The following MTMR10 variants were observed in gnomAD, a reference collection of about 807,000 sequenced individuals.
MTMR10 encodes the protein myotubularin related protein 10.
A neutral mutation model predicts 88.1 loss-of-function variants in MTMR10; 56 were observed. That is an observed-to-expected ratio of 0.64 (90% CI 0.51 to 0.79). MTMR10 has a LOEUF of 0.79. Among genes scored for constraint, MTMR10 ranks in the 30% least tolerant of loss-of-function variants. The pLI is 0.00. For synonymous variants in MTMR10, 380 were observed against 340.9 expected (o/e 1.11, Z -1.26); for missense variants, 883 against 924.7 (o/e 0.95, Z 0.58).
chr15:30,943,589 A>G, intron 14 of MTMR10: 1 of 985,456 alleles, frequency 1.0e-6, no homozygotes, highest in South Asian at 4.7e-5. Flanking sequence ...GACTCAGGGT[A>G]GGAAGGAAGG....
chr15:30,991,588 C>T lies in MTMR10; in HGVS notation c.-82G>A. 4.1e-6 allele frequency: 6 copies of T among 1,454,456 alleles called. No homozygotes were observed. The highest frequency in any genetic ancestry group is 5.5e-6 in the Non-Finnish European group (6 of 1,100,750). 90.1% of individuals were successfully genotyped at this position (1,454,456 alleles called of 1,614,324 possible). On this transcript the variant is annotated 5_prime_UTR_variant, in exon 1 of 16. Coordinates refer to ENST00000435680, the MANE Select transcript of MTMR10 (RefSeq NM_017762.3). ...TCCGGGCGTAAAGCTCTCAGTGCGG[C>T]CGCCCAGGCCCTTTCTGCGGCCAGC...
chr15:30,927,201 C>T, the MTMR10 span: 1 of 966,216 alleles, frequency 1.0e-6, no homozygotes, highest in Non-Finnish European at 1.2e-6. Context: ...AGAGTGAGAC[C>T]CTGTCTCAAA....
At chr15:30,928,203 C>A in the MTMR10 span, 6 of 1,031,862 alleles carry the variant, frequency 5.8e-6, no homozygotes, top group African/African-American at 1.7e-5. Context: ...CCTGCTAAGT[C>A]CCAGCCTTGG....
chr15:30,960,372 G>A (rs1033198875), intron 7 of MTMR10, among the ~76,000 whole-genome samples: 1 of 152,228 alleles, frequency 6.6e-6, no homozygotes, highest in Admixed American at 6.5e-5. Context: ...ACCTGAATCC[G>A]ATTAAGCCTC....
At chr15:30,944,847 C>CA (rs1252010722) in intron 14 of MTMR10, among the ~76,000 whole-genome samples, 1 of 150,492 alleles carries the variant, frequency 6.6e-6, no homozygotes, top group African/African-American at 2.4e-5. Flanking sequence ...CCTGACTCTA[C>CA]AAAAAAATAC....
chr15:30,967,388 A>C (rs1216512672), intron 6 of MTMR10, among the ~76,000 whole-genome samples: 1 of 152,190 alleles, frequency 6.6e-6, no homozygotes, highest in African/African-American at 2.4e-5. Flanking sequence ...CTTTCACAAA[A>C]GCTGTCTAGA....
Position 30,974,424 on chromosome 15 carries a change from C to A in MTMR10, c.364G>T (p.Gly122Cys). The change falls in exon 5 of 16, where the codon GGC (glycine) becomes TGC (cysteine). Residue 122 changes from glycine to cysteine, a missense_variant. This residue lies in a region of MTMR10 where 414 missense variants were observed against 423.2 expected (regional missense o/e 0.98). Transcript: ENST00000435680. ...TTAAATTTCAGTTTCTGGTTGGGGC[C>A]TAGGACTTTCTGCTTCCTCTTGTGG... ...NDHKRKQKVL[G>C]PNQKLKFNPT... 2 of 1,580,544 alleles carry A rather than the reference C, an allele frequency of 1.3e-6. No homozygotes were observed. The highest frequency in any genetic ancestry group is 1.7e-6 in the Non-Finnish European group (2 of 1,161,450).
intron 6 of MTMR10, among the ~76,000 whole-genome samples, chr15:30,966,254 A>G (rs1176917109): frequency 6.6e-6 from 1 of 152,254 alleles, no homozygotes; most frequent in African/African-American, 2.4e-5. Context: ...GTAGATTTTA[A>G]AATTCCAGTA....
the MTMR10 span, among the ~76,000 whole-genome samples, chr15:30,933,025 T>A: frequency 4.6e-5 from 7 of 152,250 alleles, no homozygotes; most frequent in African/African-American, 1.7e-4. Context: ...CGGCCATGTA[T>A]TTCTTACTGT....
chr15:30,970,169 T>C (rs1262988635), intron 5 of MTMR10, among the ~76,000 whole-genome samples: 2 of 152,150 alleles, frequency 1.3e-5, no homozygotes, highest in African/African-American at 2.4e-5. Flanking sequence ...TTCACATTGA[T>C]TTAACAAATA....
At chr15:30,929,824 T>TAATATAATATATAA in the MTMR10 span, among the ~76,000 whole-genome samples, 2 of 81,234 alleles carry the variant, frequency 2.5e-5, 1 homozygote, top group African/African-American at 1.3e-4. Flanking sequence ...ATATATTATA[T>TAATATAATATATAA]CATATATAAT....
rs2140978925 is a variant in MTMR10 at position 30,939,605 on chromosome 15, AC to A, written c.*1864del. 1 of 929,228 alleles carries A rather than the reference AC, an allele frequency of 1.1e-6. No homozygotes were observed. Among genetic ancestry groups the A allele is most frequent in the Non-Finnish European group, 1.3e-6 (1 of 778,860 alleles). 57.6% of individuals were successfully genotyped at this position (929,228 alleles called of 1,614,324 possible). On this transcript the variant is annotated 3_prime_UTR_variant, in exon 16 of 16. Coordinates refer to ENST00000435680, the MANE Select transcript of MTMR10 (RefSeq NM_017762.3). ...TCTATTTTTAACCATTATTAATAGT[AC>A]CTAATATTTTTAAACTTGTAAATTA... is the stretch of plus-strand genomic sequence containing the variant.
Position 30,946,382 on chromosome 15 carries a change from A to AGTAAAT in MTMR10, c.1548+747_1548+748insATTTAC, listed in dbSNP as rs2063171705. ...TTACAGGTTAGCAACCTGGACTCTC[A>AGTAAAT]GGCTGAAGCCTGAGTGGAACATGGG... On this transcript the variant is annotated intron_variant, in intron 14 of 15. Transcript: ENST00000435680. The AGTAAAT allele has an allele frequency of 3.5e-5, 8 of 226,370 alleles. No individual in the cohort carries two copies. The South Asian group carries it at 7.8e-4, about 22-fold the overall frequency. 14.0% of individuals were successfully genotyped at this position (226,370 alleles called of 1,614,324 possible).
At chr15:30,978,128 C>G (rs1282702637) in intron 2 of MTMR10, among the ~76,000 whole-genome samples, 1 of 152,186 alleles carries the variant, frequency 6.6e-6, no homozygotes, top group Non-Finnish European at 1.5e-5. Context: ...TTTCTTCTAC[C>G]TTAGTCCAAC....
chr15:30,920,813 C>T, the MTMR10 span, among the ~76,000 whole-genome samples: 1 of 152,178 alleles, frequency 6.6e-6, no homozygotes, highest in South Asian at 2.1e-4. Context: ...GAGACAGGGT[C>T]TCACTCCATC....
chr15:30,954,031 C>G lies in MTMR10; in HGVS notation c.1067-400G>C, dbSNP rs538885760. Among the ~76,000 whole-genome samples, 5 of 152,372 alleles carry G rather than the reference C, an allele frequency of 3.3e-5. No individual in the cohort carries two copies. In the South Asian group the frequency reaches 8.3e-4, roughly 25 times the overall value. The stretch of plus-strand genomic sequence containing the variant: ...GCCCTCCTGCTTCCCTGCCCCACCC[C>G]TGCTGCCAGTGGTGCCTCTGTGCAT... On this transcript the variant is annotated intron_variant, in intron 10 of 15. Coordinates refer to ENST00000435680, the MANE Select transcript of MTMR10 (RefSeq NM_017762.3).
intron 9 of MTMR10, among the ~76,000 whole-genome samples, chr15:30,958,292 G>C (rs1252896657): frequency 2.0e-5 from 3 of 152,248 alleles, no homozygotes; most frequent in African/African-American, 4.8e-5. Flanking sequence ...GTGCCAGTGA[G>C]GAAGAGGAGC....
chr15:30,929,702 T>TGAAATATATAA, the MTMR10 span, among the ~76,000 whole-genome samples: 2 of 44,968 alleles, frequency 4.4e-5, no homozygotes, highest in African/African-American at 9.5e-5. Context: ...AAAATATATA[T>TGAAATATATAA]TATATCATAT....
intron 1 of MTMR10, 100 bp downstream of exon 1, chr15:30,991,347 G>C (rs1485759381): frequency 1.7e-6 from 2 of 1,193,632 alleles, no homozygotes; most frequent in South Asian, 2.0e-5. Context: ...GCAGGGAGAC[G>C]CGCGCAGCCT....
Sources: gnomAD v4.1 joint callset for allele counts (sites outside exome capture counted in the v4.1 genomes callset) on GRCh38, gnomAD v4.1.1 for gene constraint, gnomAD v4.1.1 regional missense constraint, MANE v1.5 for transcripts, NCBI Gene and HGNC (gene_info 2026-07-23, HGNC 2026-07-21) for gene names.